Variants in CEP85L observed in about 807,000 individuals in gnomAD.
CEP85L encodes the protein centrosomal protein 85L.
CEP85L carries 60 observed loss-of-function variants against 100.3 expected under a neutral mutation model. That is an observed-to-expected ratio of 0.60 (90% CI 0.49 to 0.74). The LOEUF is 0.74. CEP85L is among the 30% of genes least tolerant of loss of function. CEP85L has a pLI of 0.00. For missense variants in CEP85L, 973 were observed against 936.2 expected (o/e 1.04, Z -0.51); for synonymous variants, 319 against 322.7 (o/e 0.99, Z 0.12).
intron 2 of CEP85L, among the ~76,000 whole-genome samples, chr6:118,571,432 G>A (rs568762380): frequency 2.6e-5 from 4 of 152,208 alleles, no homozygotes; most frequent in Non-Finnish European, 1.5e-5. Context: ...AGAAAGGGAC[G>A]CTGATATAGT....
chr6:118,594,140 A>G (rs999952996), intron 2 of CEP85L, among the ~76,000 whole-genome samples: 2 of 152,208 alleles, frequency 1.3e-5, no homozygotes, highest in African/African-American at 2.4e-5. Context: ...GGAAATGTCT[A>G]ATTCATACCC....
intron 1 of CEP85L, among the ~76,000 whole-genome samples, chr6:118,657,847 ATAAT>A (rs1386572200): frequency 6.6e-6 from 1 of 152,258 alleles, no homozygotes; most frequent in Non-Finnish European, 1.5e-5. Context: ...TTAATTAAGA[ATAAT>A]TAGTTACAAC....
At chr6:118,672,730 C>T (rs1451145142) in intron 1 of CEP85L, among the ~76,000 whole-genome samples, 2 of 152,054 alleles carry the variant, frequency 1.3e-5, no homozygotes, top group Admixed American at 6.6e-5. Flanking sequence ...CGTGTCTCTG[C>T]ACTCCAACCT....
chr6:118,489,673 G>C (rs1271094318), intron 6 of CEP85L, among the ~76,000 whole-genome samples: 1 of 152,124 alleles, frequency 6.6e-6, no homozygotes, highest in Admixed American at 6.5e-5. Flanking sequence ...TGGAGAAAGG[G>C]GAACCCTTGA....
intron 1 of CEP85L, among the ~76,000 whole-genome samples, chr6:118,648,272 T>C (rs1297524753): frequency 1.3e-5 from 2 of 152,078 alleles, no homozygotes; most frequent in African/African-American, 2.4e-5. Flanking sequence ...AATAAATAAA[T>C]ACTCATTTTA....
intron 6 of CEP85L, among the ~76,000 whole-genome samples, chr6:118,484,082 G>C (rs529135527): frequency 7.1e-4 from 108 of 152,218 alleles, no homozygotes; most frequent in African/African-American, 2.6e-3. Context: ...GACTGAGATG[G>C]GCTGATCATC....
intron 12 of CEP85L, 29 bp from the exon 13 acceptor site, chr6:118,465,597 C>G: frequency 3.1e-6 from 5 of 1,598,654 alleles, no homozygotes; most frequent in Non-Finnish European, 4.3e-6. Context: ...GAGAGAATAT[C>G]TCACATTTTT....
intron 2 of CEP85L, among the ~76,000 whole-genome samples, chr6:118,576,684 GT>G (rs1780255550): frequency 6.6e-6 from 1 of 152,140 alleles, no homozygotes; most frequent in South Asian, 2.1e-4. Context: ...GCAATTGGGG[GT>G]TATGGTCTCA....
intron 2 of CEP85L, among the ~76,000 whole-genome samples, chr6:118,629,760 C>T (rs556424733): frequency 3.2e-4 from 48 of 152,322 alleles, no homozygotes; most frequent in Non-Finnish European, 3.7e-4. Context: ...CAACAGACTA[C>T]TGGACCCTCC....
intron 6 of CEP85L, among the ~76,000 whole-genome samples, chr6:118,489,926 T>C (rs892613216): frequency 2.2e-4 from 34 of 151,538 alleles, no homozygotes; most frequent in African/African-American, 7.5e-4. Flanking sequence ...AAATGTTATA[T>C]ACACACACAC....
At chr6:118,697,135 T>C (rs991204596) in intron 1 of CEP85L, among the ~76,000 whole-genome samples, 4 of 152,200 alleles carry the variant, frequency 2.6e-5, no homozygotes, top group African/African-American at 9.7e-5. Flanking sequence ...ATCACTTAGA[T>C]TCACTGATTC....
Position 118,511,302 on chromosome 6 carries a change from A to G in CEP85L, c.1253T>C (p.Leu418Ser). Residue 418 changes from leucine to serine, a missense_variant, in exon 5 of 13, where the codon TTG (leucine) becomes TCG (serine). By Grantham distance (145) the Leu-to-Ser change is moderately radical (BLOSUM62 -2). Around this residue, in one of 3 missense-constraint regions of CEP85L, gnomAD observed 890 missense variants for 844.5 expected, o/e 1.05. Coordinates refer to ENST00000368491, the MANE Select transcript of CEP85L (RefSeq NM_001042475.3). ...CAAAATCCTCTGTAATCTTACCTGC[A>G]AACTAGCCACATAAGAATCCTCACA... is the stretch of plus-strand genomic sequence containing the variant. ...VNCEDSYVASLQPQYENTSLQ... is the reference protein window; with the variant it reads ...VNCEDSYVASSQPQYENTSLQ... The G allele has an allele frequency of 6.2e-7, 1 of 1,604,034 alleles. No homozygotes were observed. The highest frequency in any genetic ancestry group is 8.5e-7 in the Non-Finnish European group (1 of 1,171,370).
chr6:118,497,585 T>C lies in CEP85L; in HGVS notation c.1258-5720A>G, dbSNP rs146898285. On this transcript the variant is annotated intron_variant, in intron 5 of 12. Transcript: ENST00000368491. Reference sequence around the variant, plus strand: ...CCCCCTCCCCAGGTCTGTGGAGAAATTGTCTTCCTCAAAACCAGACCCTGG... The same window carrying C: ...CCCCCTCCCCAGGTCTGTGGAGAAACTGTCTTCCTCAAAACCAGACCCTGG... 9.2e-5 allele frequency among the ~76,000 whole-genome samples: 14 copies of C among 152,268 alleles called. No homozygotes were observed. The South Asian group carries it at 2.1e-3, about 23-fold the overall frequency.
intron 3 of CEP85L, among the ~76,000 whole-genome samples, chr6:118,554,038 T>A (rs1248147580): frequency 6.6e-6 from 1 of 152,214 alleles, no homozygotes; most frequent in Non-Finnish European, 1.5e-5. Context: ...GGGCCAGGCA[T>A]GGTCATTCAC....
At chr6:118,685,695 C>A (rs1203846143) in intron 1 of CEP85L, among the ~76,000 whole-genome samples, 1 of 152,106 alleles carries the variant, frequency 6.6e-6, no homozygotes, top group Admixed American at 6.6e-5. Context: ...AATATGCCCC[C>A]AATCCTGTTC....
intron 2 of CEP85L, among the ~76,000 whole-genome samples, chr6:118,621,710 T>C (rs986048388): frequency 6.6e-6 from 1 of 152,234 alleles, no homozygotes; most frequent in Non-Finnish European, 1.5e-5. Flanking sequence ...GGCTTAAACC[T>C]AGCCGAAAGA....
chr6:118,587,965 G>C (rs1050291709), intron 2 of CEP85L, among the ~76,000 whole-genome samples: 3 of 152,100 alleles, frequency 2.0e-5, no homozygotes, highest in African/African-American at 7.2e-5. Context: ...CAAGGAACAG[G>C]GCTACATTTT....
chr6:118,669,690 T>G (rs1416568449), intron 1 of CEP85L, among the ~76,000 whole-genome samples: 1 of 151,944 alleles, frequency 6.6e-6, no homozygotes, highest in Non-Finnish European at 1.5e-5. Flanking sequence ...ACTAAAACCT[T>G]TCATATCCAC....
intron 1 of CEP85L, among the ~76,000 whole-genome samples, chr6:118,706,858 A>T (rs1224607125): frequency 2.0e-5 from 3 of 151,444 alleles, no homozygotes; most frequent in African/African-American, 7.3e-5. Flanking sequence ...CCCCAAAAAG[A>T]CTCTCGCTTT....
Sources: gnomAD v4.1 joint callset for allele counts (sites outside exome capture counted in the v4.1 genomes callset) on GRCh38, gnomAD v4.1.1 for gene constraint, gnomAD v4.1.1 regional missense constraint, MANE v1.5 for transcripts, NCBI Gene and HGNC (gene_info 2026-07-23, HGNC 2026-07-21) for gene names.